Variants in LIPJ observed in about 807,000 individuals in gnomAD.
LIPJ encodes the protein lipase family member J.
Under a neutral mutation model 39.8 loss-of-function variants are expected in LIPJ, and 33 were observed. The observed-to-expected ratio is 0.83, with a 90% CI of 0.63 to 1.11. The LOEUF is 1.11. LIPJ is among the 50% of genes least tolerant of loss of function. The pLI is 0.00. For synonymous variants in LIPJ, 128 were observed against 139.2 expected (o/e 0.92, Z 0.57); for missense variants, 422 against 427.9 (o/e 0.99, Z 0.12).
chr10:88,596,491 C>G, intron 7 of LIPJ, 75 bp downstream of exon 7: 1 of 1,384,998 alleles, frequency 7.2e-7, no homozygotes, highest in Non-Finnish European at 9.6e-7. Flanking sequence ...GAGATCTTGA[C>G]TATACGTAGA....
exon 5 of LIPJ, chr10:88,594,078 G>A: frequency 6.2e-7 from 1 of 1,612,228 alleles, no homozygotes; most frequent in South Asian, 1.1e-5. Context: ...GGAAATAGCA[G>A]AGGAAATACC....
intron 2 of LIPJ, among the ~76,000 whole-genome samples, chr10:88,589,813 AT>A (rs1488721093): frequency 6.6e-6 from 1 of 151,840 alleles, no homozygotes; most frequent in African/African-American, 2.4e-5. Context: ...TTTTATAACA[AT>A]CCTGAGAAGT....
intron 8 of LIPJ, 39 bp downstream of exon 8, chr10:88,596,975 A>G (rs1453892706): frequency 2.5e-6 from 3 of 1,183,206 alleles, no homozygotes; most frequent in Non-Finnish European, 3.6e-6. Context: ...ATATTTTCCA[A>G]TATTTGGAAA....
At chr10:88,617,526 C>T in the LIPJ span, among the ~76,000 whole-genome samples, 1 of 151,394 alleles carries the variant, frequency 6.6e-6, no homozygotes, top group Non-Finnish European at 1.5e-5. Context: ...GACATAAGAA[C>T]GGAGAAGACA....
At chr10:88,587,164 A>G (rs1438736442) in intron 1 of LIPJ, 102 bp from the exon 2 acceptor site, 1 of 152,104 alleles carries the variant, frequency 6.6e-6, no homozygotes, top group Non-Finnish European at 1.5e-5. Flanking sequence ...CAAGATGTGA[A>G]TGTATTTGGA....
At chr10:88,583,273 C>G (rs1177455915), upstream of LIPJ, 4 of 1,569,128 alleles carry the variant, frequency 2.5e-6, no homozygotes, top group African/African-American at 5.4e-5. Flanking sequence ...GCCGAACCGG[C>G]GCTAGCGCTC....
At chr10:88,596,791 C>G (rs760945232) in exon 8 of LIPJ, 26 of 1,598,528 alleles carry the variant, frequency 1.6e-5, no homozygotes, top group Non-Finnish European at 2.0e-5. Flanking sequence ...ATTTTACAGG[C>G]TTTTTCAGGC....
chr10:88,620,186 A>C, the LIPJ span, among the ~76,000 whole-genome samples: 1 of 152,154 alleles, frequency 6.6e-6, no homozygotes, highest in Non-Finnish European at 1.5e-5. Context: ...AAACAAGGAA[A>C]GAACGAGGAG....
chr10:88,583,390 A>G (rs992622199), upstream of LIPJ: 1 of 1,383,136 alleles, frequency 7.2e-7, no homozygotes, highest in African/African-American at 1.5e-5. Context: ...TCCGTCCTTG[A>G]GGAGCAAACC....
At chr10:88,618,669 G>A in the LIPJ span, 1 of 154,094 alleles carries the variant, frequency 6.5e-6, no homozygotes, top group Admixed American at 6.5e-5. Flanking sequence ...TGACCCTGAT[G>A]ACAAATGCCA....
At position 88,603,695 on chromosome 10, in the gene LIPJ, A is replaced by G. The variant is rs111972074; in HGVS notation, c.795+1048A>G. Among the ~76,000 whole-genome samples the G allele has an allele frequency of 1.4e-3, 209 of 152,308 alleles. 1 individual carries two copies. The highest frequency in any genetic ancestry group is 4.8e-3 in the African/African-American group (200 of 41,568). On this transcript the variant is annotated intron_variant, in intron 9 of 10. Coordinates refer to ENST00000371939, the Ensembl canonical transcript of LIPJ. Reference sequence around the variant, plus strand: ...ACTAAGAAAAATATTGTAAGAATTGAAAAGGCTAATGATTATGAATGTACA... The same window carrying G: ...ACTAAGAAAAATATTGTAAGAATTGGAAAGGCTAATGATTATGAATGTACA...
the LIPJ span, among the ~76,000 whole-genome samples, chr10:88,618,018 GAA>G: frequency 3.9e-5 from 6 of 152,224 alleles, no homozygotes; most frequent in East Asian, 1.2e-3. Flanking sequence ...TCACATATGA[GAA>G]AAAGTTGAGT....
chr10:88,588,707 T>A (rs1296110675), intron 2 of LIPJ, among the ~76,000 whole-genome samples: 1 of 151,912 alleles, frequency 6.6e-6, no homozygotes, highest in African/African-American at 2.4e-5. Flanking sequence ...AAAGTTGTGT[T>A]TAACAGAAAA....
At chr10:88,583,312 G>GGGCTTTGACAGGACCT, upstream of LIPJ, 1 of 1,464,858 alleles carries the variant, frequency 6.8e-7, no homozygotes, top group Non-Finnish European at 9.0e-7. Flanking sequence ...GGGCCGACCT[G>GGGCTTTGACAGGACCT]GGCCCTGAGC....
chr10:88,610,051 T>G (rs1243903225), downstream of LIPJ, among the ~76,000 whole-genome samples: 1 of 152,144 alleles, frequency 6.6e-6, no homozygotes, highest in Non-Finnish European at 1.5e-5. Flanking sequence ...AACAGGAAGT[T>G]TCCTCTGATA....
chr10:88,596,496 C>T (rs1008825320), intron 7 of LIPJ, 80 bp downstream of exon 7: 99 of 1,358,836 alleles, frequency 7.3e-5, no homozygotes, highest in Admixed American at 1.4e-4. Flanking sequence ...CTTGACTATA[C>T]GTAGACAACC....
intron 6 of LIPJ, 57 bp from the exon 7 acceptor site, chr10:88,596,223 T>C (rs1324159664): frequency 5.3e-6 from 6 of 1,122,240 alleles, no homozygotes; most frequent in Non-Finnish European, 7.1e-6. Context: ...TGTCATCTCT[T>C]ACATGCTAGT....
chr10:88,599,012 AT>A (rs1209884520), intron 8 of LIPJ, among the ~76,000 whole-genome samples: 8 of 146,420 alleles, frequency 5.5e-5, no homozygotes, highest in African/African-American at 2.0e-4. Context: ...TATTATAATA[AT>A]ATATTATATT....
At chr10:88,596,858 T>C (rs922982390) in exon 8 of LIPJ, 1 of 1,596,808 alleles carries the variant, frequency 6.3e-7, no homozygotes, top group African/African-American at 1.3e-5. Flanking sequence ...CAAAGCTGTG[T>C]CCACTACAGA....
Sources: allele counts gnomAD v4.1 joint callset (sites outside exome capture counted in the v4.1 genomes callset), GRCh38; gene constraint gnomAD v4.1.1; transcripts MANE v1.5; gene names NCBI Gene and HGNC (gene_info 2026-07-23, HGNC 2026-07-21).